LEMD3: variants seen among roughly 807,000 people sequenced by gnomAD.
The protein encoded by LEMD3 is LEM domain containing 3.
LEMD3 carries 33 observed loss-of-function variants against 95.2 expected under a neutral mutation model. That is an observed-to-expected ratio of 0.35 (90% CI 0.26 to 0.46). LEMD3 has a LOEUF of 0.46. LEMD3 is among the 20% of genes least tolerant of loss of function. LEMD3 has a pLI of 1.00. For missense variants in LEMD3, 1,210 were observed against 1,192.8 expected, an observed-to-expected ratio of 1.01 and a Z score of -0.21; for synonymous variants, 525 against 474.6, an observed-to-expected ratio of 1.11 and a Z score of -1.38.
At chr12:65,206,903 ATATTT>A (rs1451062955) in intron 1 of LEMD3, among the ~76,000 whole-genome samples, 2 of 152,162 alleles carry the variant, frequency 1.3e-5, no homozygotes, top group African/African-American at 2.4e-5. Flanking sequence ...TATAAAACCA[ATATTT>A]TATTTTCTGT....
Position 65,169,948 on chromosome 12 carries a change from C to A in LEMD3, c.352C>A (p.Leu118Ile). 1 of 1,457,286 alleles carries A rather than the reference C, an allele frequency of 6.9e-7. No individual in the cohort carries two copies. Among genetic ancestry groups the A allele is most frequent in the Non-Finnish European group, 9.0e-7 (1 of 1,113,934 alleles). The allele number at this position is 1,457,286 out of a possible 1,614,324, so 90.3% of individuals were successfully genotyped here. ...CRISASGPES[L>I]LGGPGGASAA... ...AATCTCGGCCTCTGGCCCAGAGAGC[C>A]TCCTGGGAGGGCCCGGGGGCGCCTC... The change falls in exon 1 of 13, where the codon CTC becomes ATC. Residue 118 changes from leucine (L) to isoleucine (I), a missense_variant. Leu to Ile is a conservative substitution (Grantham distance 5). This residue lies in a region of LEMD3 where 749 missense variants were observed against 622.9 expected (regional missense o/e 1.20). Coordinates refer to ENST00000308330, the MANE Select transcript of LEMD3 (RefSeq NM_014319.5).
chr12:65,240,111 AT>A (rs1870888557), intron 7 of LEMD3, 24 bp from the exon 8 acceptor site: 1 of 1,535,988 alleles, frequency 6.5e-7, no homozygotes, highest in African/African-American at 1.4e-5. Flanking sequence ...TGATTGATTC[AT>A]TTGTAAATTT....
intron 4 of LEMD3, among the ~76,000 whole-genome samples, chr12:65,220,576 A>G (rs1870253932): frequency 6.6e-6 from 1 of 152,062 alleles, no homozygotes; most frequent in African/African-American, 2.4e-5. Flanking sequence ...AGTTTGATGT[A>G]GTCCCACTTT....
chr12:65,227,735 ATT>A (rs5798774), intron 4 of LEMD3, among the ~76,000 whole-genome samples: 9,109 of 127,992 alleles, frequency 0.071, 433 homozygotes, highest in East Asian at 0.29. Flanking sequence ...AATTTTTGCG[ATT>A]TTTTTTTTTT....
In LEMD3 at chr12:65,246,200, T is replaced by TA; in HGVS notation, c.2612dup (p.Tyr871Ter). 6.2e-7 allele frequency: 1 copy of TA among 1,612,380 alleles called. No individual in the cohort carries two copies. Among genetic ancestry groups the TA allele is most frequent in the Non-Finnish European group, 8.5e-7 (1 of 1,178,704 alleles). The change falls in exon 13 of 13, where the codon TAC becomes TAAC. Residue 871 changes from tyrosine to a stop codon, truncating the protein, a stop_gained and frameshift_variant. Coordinates refer to ENST00000308330, the MANE Select transcript of LEMD3 (RefSeq NM_014319.5). LOFTEE classifies it high-confidence loss of function. ...VTVKYLRLDR[Y>*]HHRFPQALTS... ...AGTAAAATATTTACGACTAGATAGA[T>TA]ACCACCATCGCTTTCCCCAGGCTCT... is the stretch of plus-strand genomic sequence containing the variant.
Position 65,169,673 on chromosome 12 carries a change from T to C in LEMD3, c.77T>C (p.Leu26Pro), listed in dbSNP as rs1279943007. 6.3e-7 allele frequency: 1 copy of C among 1,586,674 alleles called. No individual in the cohort carries two copies. Among genetic ancestry groups the C allele is most frequent in the Non-Finnish European group, 8.6e-7 (1 of 1,167,470 alleles). ...ELFSQLRRYG[L>P]SPGPVTESTR... ...TTCTCTCAGCTCCGCCGTTACGGCC[T>C]GTCTCCCGGACCAGTGACGGAGAGC... The change falls in exon 1 of 13, where the codon CTG (leucine) becomes CCG (proline). Residue 26 changes from leucine (L) to proline (P), a missense_variant. Coordinates refer to ENST00000308330, the MANE Select transcript of LEMD3 (RefSeq NM_014319.5).
intron 4 of LEMD3, 107 bp downstream of exon 4, chr12:65,218,726 G>C: frequency 1.6e-6 from 1 of 632,140 alleles, no homozygotes; most frequent in Non-Finnish European, 2.8e-6. Flanking sequence ...ACTGTTAAAA[G>C]CTTGGGCCTG....
At chr12:65,196,430 C>G (rs1869431559) in intron 1 of LEMD3, among the ~76,000 whole-genome samples, 1 of 151,944 alleles carries the variant, frequency 6.6e-6, no homozygotes, top group African/African-American at 2.4e-5. Context: ...GCCCCTGTAA[C>G]TCTTGAGTTA....
intron 4 of LEMD3, among the ~76,000 whole-genome samples, chr12:65,228,197 C>T (rs368591934): frequency 1.3e-4 from 20 of 152,012 alleles, no homozygotes; most frequent in African/African-American, 3.9e-4. Context: ...GACACAGATG[C>T]GGGGTTGGGG....
Position 65,170,295 on chromosome 12 carries a change from G to C in LEMD3, c.699G>C (p.Glu233Asp). The C allele has an allele frequency of 6.3e-7, 1 of 1,579,176 alleles. No individual in the cohort carries two copies. Residue 233 changes from glutamate to aspartate, a missense_variant, in exon 1 of 13, where the codon GAG (glutamate) becomes GAC (aspartate). By Grantham distance (45) the Glu-to-Asp change is conservative. Around this residue, in one of 2 missense-constraint regions of LEMD3, gnomAD observed 749 missense variants for 622.9 expected, o/e 1.20. Transcript: ENST00000308330. ...AGGACGGTGAGGAGAGGGACCCGGA[G>C]ACCGAGGAGCCGCTCTGGGCGAGCC... ...EGEDGEERDP[E>D]TEEPLWASRT...
chr12:65,231,909 G>C, intron 4 of LEMD3, among the ~76,000 whole-genome samples: 1 of 151,794 alleles, frequency 6.6e-6, no homozygotes, highest in East Asian at 1.9e-4. Context: ...AAAAACCGTT[G>C]AATGATTTTT....
At chr12:65,207,657 A>G (rs1565788770) in intron 1 of LEMD3, among the ~76,000 whole-genome samples, 1 of 152,226 alleles carries the variant, frequency 6.6e-6, no homozygotes, top group East Asian at 1.9e-4. Flanking sequence ...GTCATATTAG[A>G]CTGAAGCTGG....
chr12:65,188,228 A>G (rs1869126549), intron 1 of LEMD3, among the ~76,000 whole-genome samples: 1 of 152,134 alleles, frequency 6.6e-6, no homozygotes, highest in African/African-American at 2.4e-5. Flanking sequence ...AACATTATAC[A>G]TTTTAAACAT....
intron 10 of LEMD3, among the ~76,000 whole-genome samples, chr12:65,244,263 ACG>A: frequency 1.3e-5 from 2 of 148,254 alleles, no homozygotes; most frequent in South Asian, 2.1e-4. Context: ...GCACGTGGGC[ACG>A]CGCACACACA....
At chr12:65,236,087 TTTATA>T (rs1870764498) in intron 4 of LEMD3, among the ~76,000 whole-genome samples, 1 of 152,210 alleles carries the variant, frequency 6.6e-6, no homozygotes, top group Non-Finnish European at 1.5e-5. Flanking sequence ...ACTTACCAGT[TTTATA>T]TTAGGAAGTA....
intron 1 of LEMD3, among the ~76,000 whole-genome samples, chr12:65,188,106 A>G (rs1471241964): frequency 3.9e-5 from 6 of 152,150 alleles, no homozygotes; most frequent in Non-Finnish European, 7.4e-5. Context: ...ATCAGAGAAT[A>G]AAGCAAAATT....
chr12:65,202,269 C>T (rs1430577915), intron 1 of LEMD3, among the ~76,000 whole-genome samples: 1 of 152,078 alleles, frequency 6.6e-6, no homozygotes, highest in East Asian at 1.9e-4. Context: ...CCACCTGCCT[C>T]AGCCTCCCAA....
intron 1 of LEMD3, among the ~76,000 whole-genome samples, chr12:65,181,712 T>C (rs1465215944): frequency 6.6e-6 from 1 of 152,136 alleles, no homozygotes; most frequent in Admixed American, 6.6e-5. Flanking sequence ...ATTCTACCTT[T>C]AAAAACCACA....
chr12:65,195,723 T>G (rs994373338), intron 1 of LEMD3, among the ~76,000 whole-genome samples: 6 of 152,126 alleles, frequency 3.9e-5, no homozygotes, highest in African/African-American at 1.4e-4. Flanking sequence ...TCTTAAATGC[T>G]TGGGTAAAGC....
Sources: allele counts gnomAD v4.1 joint callset (sites outside exome capture counted in the v4.1 genomes callset), GRCh38; gene constraint gnomAD v4.1.1; regional missense constraint gnomAD v4.1.1; transcripts MANE v1.5; gene names NCBI Gene and HGNC (gene_info 2026-07-23, HGNC 2026-07-21).